The following ZFP28 variants were observed in gnomAD, a reference collection of about 807,000 sequenced individuals.
ZFP28 encodes the protein zinc finger protein 28 homolog.
A neutral mutation model predicts 39.5 loss-of-function variants in ZFP28; 31 were observed. That is an observed-to-expected ratio of 0.79 (90% CI 0.59 to 1.06). ZFP28 has a LOEUF of 1.06. ZFP28 is among the 50% of genes least tolerant of loss of function. The pLI, the probability that ZFP28 is intolerant of heterozygous loss-of-function variation, is 0.00. For synonymous variants in ZFP28, 400 were observed against 378.6 expected, an observed-to-expected ratio of 1.06 and a Z score of -0.66; for missense variants, 925 against 1,048.4, an observed-to-expected ratio of 0.88 and a Z score of 1.63.
At chr19:56,540,441 G>A (rs890330655) in intron 2 of ZFP28, among the ~76,000 whole-genome samples, 9 of 152,344 alleles carry the variant, frequency 5.9e-5, no homozygotes, top group Middle Eastern at 3.4e-3. Context: ...ATCATAGCTA[G>A]CTCATTAATA....
chr19:56,554,949 C>T lies in ZFP28; in HGVS notation c.2164C>T (p.Leu722=). The change falls in exon 8 of 8, where the codon CTG becomes TTG. Residue 722 remains leucine (L), a synonymous_variant. Coordinates refer to ENST00000301318, the MANE Select transcript of ZFP28 (RefSeq NM_020828.2). The surrounding 1 kb of genome is among the most constrained non-coding windows in gnomAD (Gnocchi z 6.7). ...DNSSCTQHQR[L]HTGQRPYECI... is the part of the protein sequence containing the mutation. ...CTCATCCTGTACTCAACATCAAAGACTGCACACTGGCCAAAGACCTTATGA... is the reference window on the plus strand; with the variant it reads ...CTCATCCTGTACTCAACATCAAAGATTGCACACTGGCCAAAGACCTTATGA... 6.2e-7 allele frequency: 1 copy of T among 1,614,150 alleles called. No homozygotes were observed. Among genetic ancestry groups the T allele is most frequent in the Non-Finnish European group, 8.5e-7 (1 of 1,180,032 alleles).
intron 2 of ZFP28, among the ~76,000 whole-genome samples, chr19:56,543,898 T>G (rs2044217613): frequency 6.6e-6 from 1 of 152,200 alleles, no homozygotes; most frequent in East Asian, 1.9e-4. Context: ...GTGGAACCTT[T>G]TAATAGAAGT....
upstream of ZFP28, chr19:56,537,735 G>A (rs2044146869): frequency 6.6e-6 from 1 of 152,272 alleles, no homozygotes; most frequent in Non-Finnish European, 1.5e-5. Flanking sequence ...GAGGCCAGGA[G>A]ACCTGAAAGA....
chr19:56,539,224 G>T lies in ZFP28; in HGVS notation c.206G>T (p.Arg69Ile), dbSNP rs1232250154. Residue 69 changes from arginine (R) to isoleucine (I), a missense_variant and splice_region_variant, in exon 1 of 8, where the codon AGA (arginine) becomes ATA (isoleucine). Physicochemically the swap from Arg to Ile is moderately conservative, Grantham distance 97. Around this residue, in one of 2 missense-constraint regions of ZFP28, gnomAD observed 556 missense variants for 542.9 expected, o/e 1.02. Transcript: ENST00000301318. ...GCGGCCCCTACGGGGCCTGGGCACA[G>T]AGGTGAGAGTGACAGGTGTTTGGGG... The part of the protein sequence containing the change: ...RGAAPTGPGH[R>I]ALPSRDTALP... 7.5e-6 allele frequency: 12 copies of T among 1,593,054 alleles called. No individual in the cohort carries two copies. Among genetic ancestry groups the T allele is most frequent in the Non-Finnish European group, 1.0e-5 (12 of 1,174,690 alleles).
chr19:56,547,785 AG>A lies in ZFP28; in HGVS notation c.428-20del. On this transcript the variant is annotated intron_variant, in intron 3 of 7. Transcript: ENST00000301318. The surrounding 1 kb of genome is among the most constrained non-coding windows in gnomAD (Gnocchi z 4.6). The stretch of plus-strand genomic sequence containing the variant: ...GTCTGGACAGCCACACAGTATGACC[AG>A]GTTGTTTTTTATGTGTCTAGGACTT... 1 of 1,613,826 alleles carries A rather than the reference AG, an allele frequency of 6.2e-7. No individual in the cohort carries two copies. Among genetic ancestry groups the A allele is most frequent in the Non-Finnish European group, 8.5e-7 (1 of 1,179,790 alleles).
chr19:56,541,799 G>A (rs1198845568), intron 2 of ZFP28, among the ~76,000 whole-genome samples: 1 of 150,902 alleles, frequency 6.6e-6, no homozygotes, highest in African/African-American at 2.4e-5. Flanking sequence ...GCGTGATCTC[G>A]GCTCACTGCA....
intron 7 of ZFP28, among the ~76,000 whole-genome samples, chr19:56,553,369 T>C (rs533620268): frequency 2.0e-5 from 3 of 152,182 alleles, no homozygotes; most frequent in South Asian, 2.1e-4. Context: ...TACAGGCACA[T>C]ACTACCATGC....
rs764340276 is a variant in ZFP28 at position 56,553,917 on chromosome 19, A to C, written c.1132A>C (p.Lys378Gln). The change falls in exon 8 of 8, where the codon AAA becomes CAA. Residue 378 changes from lysine to glutamine, a missense_variant. Around this residue, in one of 2 missense-constraint regions of ZFP28, gnomAD observed 556 missense variants for 542.9 expected, o/e 1.02. Transcript: ENST00000301318. ...LSKERERTYN[K>Q]SGRWFYLDDS... ...TAAGGAAAGAGAACGTACATATAACAAATCTGGAAGATGGTTCTATTTGGA... is the reference window on the plus strand; with the variant it reads ...TAAGGAAAGAGAACGTACATATAACCAATCTGGAAGATGGTTCTATTTGGA... 4 of 1,614,034 alleles carry C rather than the reference A, an allele frequency of 2.5e-6. No homozygotes were observed. Among genetic ancestry groups the C allele is most frequent in the Admixed American group, 3.3e-5 (2 of 60,006 alleles).
intron 7 of ZFP28, chr19:56,551,379 C>A: frequency 1.0e-6 from 1 of 985,802 alleles, no homozygotes; most frequent in African/African-American, 1.7e-5. Flanking sequence ...CCATTTAAGT[C>A]AGGATAAACA....
intron 2 of ZFP28, chr19:56,544,643 A>G (rs1340167969): frequency 4.6e-5 from 7 of 152,238 alleles, no homozygotes; most frequent in Admixed American, 4.6e-4. Flanking sequence ...TCCTGGGCAC[A>G]TTACAGCTCA....
upstream of ZFP28, chr19:56,538,919 GC>G: frequency 9.2e-7 from 1 of 1,083,662 alleles, no homozygotes; most frequent in Non-Finnish European, 1.2e-6. Flanking sequence ...CCATGGGGGA[GC>G]GCGCGCGGGG....
In ZFP28 at chr19:56,547,144, G is replaced by A. The variant is rs2044248711; in HGVS notation, c.301-364G>A. ...TTTCTCAAGCTTCTGGAGGCTGGAAGTCCAAGATCAAGGTGCCTGCAGGTT... is the reference window on the plus strand; with the variant it reads ...TTTCTCAAGCTTCTGGAGGCTGGAAATCCAAGATCAAGGTGCCTGCAGGTT... On this transcript the variant is annotated intron_variant, in intron 2 of 7. Coordinates refer to ENST00000301318, the MANE Select transcript of ZFP28 (RefSeq NM_020828.2). The surrounding 1 kb of genome is among the most constrained non-coding windows in gnomAD (Gnocchi z 4.6). 2 of 207,148 alleles carry A rather than the reference G, an allele frequency of 9.7e-6. No individual in the cohort carries two copies. Among genetic ancestry groups the A allele is most frequent in the South Asian group, 1.0e-4 (1 of 9,528 alleles). The allele number at this position is 207,148 out of a possible 1,614,324, so 12.8% of individuals were successfully genotyped here.
intron 2 of ZFP28, among the ~76,000 whole-genome samples, chr19:56,542,399 C>A (rs981691143): frequency 6.6e-6 from 1 of 152,220 alleles, no homozygotes; most frequent in South Asian, 2.1e-4. Context: ...GGCAACCGCC[C>A]GCCTTGGGCT....
At chr19:56,549,570 A>G (rs563365231) in intron 5 of ZFP28, among the ~76,000 whole-genome samples, 21 of 152,110 alleles carry the variant, frequency 1.4e-4, no homozygotes, top group African/African-American at 2.4e-4. Flanking sequence ...CCAGCTACTC[A>G]GGAGGCTGAG....
At chr19:56,539,312 ACCAG>A (rs1276402577) in intron 1 of ZFP28, 86 bp downstream of exon 1, 2 of 1,357,756 alleles carry the variant, frequency 1.5e-6, no homozygotes, top group Non-Finnish European at 2.0e-6. Flanking sequence ...GCTCTCGGGG[ACCAG>A]TTGCTGGAGA....
chr19:56,543,614 C>G (rs948624321), intron 2 of ZFP28, among the ~76,000 whole-genome samples: 18 of 151,902 alleles, frequency 1.2e-4, no homozygotes, highest in African/African-American at 4.1e-4. Context: ...ATGCCTATAT[C>G]AGGAGTAGAT....
intron 2 of ZFP28, among the ~76,000 whole-genome samples, chr19:56,541,877 A>ATTTTTTTTTTTTTTTTTTTTTTTT: frequency 1.6e-5 from 1 of 61,344 alleles, no homozygotes; most frequent in Non-Finnish European, 2.7e-5. Flanking sequence ...CACCTGGCTA[A>ATTTTTTTTTTTTTTTTTTTTTTTT]TTTTTTTTTT....
intron 6 of ZFP28, 116 bp from the exon 7 acceptor site, chr19:56,550,394 C>A: frequency 1.0e-6 from 1 of 972,106 alleles, no homozygotes. Flanking sequence ...TCAGATCCTA[C>A]TCACCTGTTT....
At chr19:56,549,783 A>G (rs934838470) in intron 5 of ZFP28, among the ~76,000 whole-genome samples, 2 of 152,206 alleles carry the variant, frequency 1.3e-5, no homozygotes, top group African/African-American at 4.8e-5. Context: ...GAATATGGGA[A>G]AGCCTTCCGT....
Sources: allele counts gnomAD v4.1 joint callset (sites outside exome capture counted in the v4.1 genomes callset), GRCh38; gene constraint gnomAD v4.1.1; regional missense constraint gnomAD v4.1.1; non-coding constraint Gnocchi (gnomAD v3.1); transcripts MANE v1.5; gene names NCBI Gene and HGNC (gene_info 2026-07-23, HGNC 2026-07-21).